The following ZP2 variants were observed in gnomAD, a reference collection of about 807,000 sequenced individuals.
ZP2 encodes zona pellucida glycoprotein 2.
Under a neutral mutation model 84.0 loss-of-function variants are expected in ZP2, and 51 were observed. The ratio of observed to expected loss-of-function variants is 0.61; its 90% CI spans 0.49 to 0.77. The LOEUF (loss-of-function observed/expected upper bound fraction) is 0.77, where lower values mean the gene tolerates loss of function less well. Ranked by LOEUF, ZP2 falls within the 30% of genes least tolerant of loss-of-function variation. ZP2 has a pLI of 0.00. For synonymous variants in ZP2, 375 were observed against 330.9 expected (o/e 1.13, Z -1.45); for missense variants, 909 against 911.9 (o/e 1.00, Z 0.04).
In ZP2 at chr16:21,197,793, C is replaced by G. The variant is rs559880906; in HGVS notation, c.2068G>C (p.Glu690Gln). ...SGSSGEKSRS[E>Q]TGEEVGSRGA... ...CGTGAGCCAACCTCCTCCCCTGTTT[C>G]ACTCCTACTCTTCTCCCCACTGCTC... The change falls in exon 18 of 19, where the codon GAA becomes CAA. Residue 690 changes from glutamate (E) to glutamine (Q), a missense_variant. Physicochemically the swap from Glu to Gln is conservative, Grantham distance 29. Transcript: ENST00000574091. 6.2e-7 allele frequency: 1 copy of G among 1,614,210 alleles called. No individual in the cohort carries two copies. The highest frequency in any genetic ancestry group is 1.3e-5 in the African/African-American group (1 of 75,050).
At position 21,202,264 on chromosome 16, in the gene ZP2, C is replaced by G. The variant is rs774816416; in HGVS notation, c.1127G>C (p.Gly376Ala). Residue 376 changes from glycine (G) to alanine (A), a missense_variant, in exon 11 of 19, where the codon GGG becomes GCG. Gly to Ala is a moderately conservative substitution (Grantham distance 60, BLOSUM62 0). Coordinates refer to ENST00000574091, the MANE Select transcript of ZP2 (RefSeq NM_001376232.1). ...GCTGTAGACCTCGACGTCCATAAACCCATCCTGGGTGCACAGCTCCCCTGT... is the reference window on the plus strand; with the variant it reads ...GCTGTAGACCTCGACGTCCATAAACGCATCCTGGGTGCACAGCTCCCCTGT... ...IVTGELCTQD[G>A]FMDVEVYSYQ... is the part of the protein sequence containing the mutation. 9.7e-6 allele frequency: 15 copies of G among 1,539,060 alleles called. No individual in the cohort carries two copies. Among genetic ancestry groups the G allele is most frequent in the Non-Finnish European group, 1.2e-5 (14 of 1,147,566 alleles).
chr16:21,213,172 G>C (rs2093281096), upstream of ZP2, among the ~76,000 whole-genome samples: 1 of 152,086 alleles, frequency 6.6e-6, no homozygotes, highest in African/African-American at 2.4e-5. Context: ...AGCCTCCCGG[G>C]TAGCTGGGAT....
chr16:21,202,977 G>A, intron 10 of ZP2, 148 bp downstream of exon 10: 1 of 901,190 alleles, frequency 1.1e-6, no homozygotes, highest in Non-Finnish European at 1.6e-6. Context: ...CCCCATCGTA[G>A]CAGCTACACT....
intron 17 of ZP2, among the ~76,000 whole-genome samples, chr16:21,198,128 C>T (rs2093208140): frequency 7.0e-6 from 1 of 142,326 alleles, no homozygotes; most frequent in Non-Finnish European, 1.5e-5. Context: ...GGTGTGGTGG[C>T]TCACACCTGT....
Position 21,204,391 on chromosome 16 carries a change from T to C in ZP2, c.707A>G (p.His236Arg). 1 of 1,613,856 alleles carries C rather than the reference T, an allele frequency of 6.2e-7. No individual in the cohort carries two copies. The highest frequency in any genetic ancestry group is 8.5e-7 in the Non-Finnish European group (1 of 1,179,828). The change falls in exon 8 of 19, where the codon CAT (histidine) becomes CGT (arginine). Residue 236 changes from histidine (H) to arginine (R), a missense_variant. Transcript: ENST00000574091. ...AAGCTTCAGAGACACCATGTAGAGA[T>C]GACTGTTACCTTGCTAGGGGGAGAA... is the stretch of plus-strand genomic sequence containing the variant. ...GVTHYVQGNSHLYMVSLKLTF... is the reference protein window; with the variant it reads ...GVTHYVQGNSRLYMVSLKLTF...
At chr16:21,211,418 T>G in intron 1 of ZP2, 23 bp from the exon 2 acceptor site, 2 of 1,614,032 alleles carry the variant, frequency 1.2e-6, no homozygotes, top group Non-Finnish European at 1.7e-6. Flanking sequence ...AGGGAGATAG[T>G]CAAGGAAGAA....
Position 21,201,454 on chromosome 16 carries a change from T to C in ZP2, c.1609A>G (p.Asn537Asp). 2 of 1,613,740 alleles carry C rather than the reference T, an allele frequency of 1.2e-6. No individual in the cohort carries two copies. Among genetic ancestry groups the C allele is most frequent in the African/African-American group, 2.7e-5 (2 of 75,048 alleles). The change falls in exon 14 of 19, where the codon AAC (asparagine) becomes GAC (aspartate). Residue 537 changes from asparagine to aspartate, a missense_variant. Coordinates refer to ENST00000574091, the MANE Select transcript of ZP2 (RefSeq NM_001376232.1). ...EVRVLNRDDPNIKLVLDDCWA... is the reference protein window; with the variant it reads ...EVRVLNRDDPDIKLVLDDCWA... Reference sequence around the variant, plus strand: ...CAGTCATCTAAGACCAGCTTGATGTTGGGGTCATCCCTGTTTAGGACTCTC... The same window carrying C: ...CAGTCATCTAAGACCAGCTTGATGTCGGGGTCATCCCTGTTTAGGACTCTC...
At position 21,211,265 on chromosome 16, in the gene ZP2, G is replaced by C. The variant is rs191860515; in HGVS notation, c.151+42C>G. On this transcript the variant is annotated intron_variant, in intron 2 of 18. Transcript: ENST00000574091. ...CAGCTAGGCCTTCCAGCTGCAACCT[G>C]TTTTCTCTGCTAAGAAGACTTCTGT... 92 of 1,590,094 alleles carry C rather than the reference G, an allele frequency of 5.8e-5. No homozygotes were observed. The East Asian group carries it at 2.0e-3, about 35-fold the overall frequency.
In ZP2 at chr16:21,211,316, C is replaced by A; in HGVS notation, c.142G>T (p.Ala48Ser). Residue 48 changes from alanine (A) to serine (S), a missense_variant, in exon 2 of 19, where the codon GCC becomes TCC. Coordinates refer to ENST00000574091, the MANE Select transcript of ZP2 (RefSeq NM_001376232.1). ...CACCCAAGAGACATACCTGGAAAGG[C>A]AGGATTTACCAACTGAGAAACATCT... ...SIDVSQLVNP[A>S]FPGTVTCDER... 1 of 1,614,040 alleles carries A rather than the reference C, an allele frequency of 6.2e-7. No homozygotes were observed.
At chr16:21,204,427 T>G (rs1433897577) in intron 7 of ZP2, 23 bp from the exon 8 acceptor site, 10 of 1,596,858 alleles carry the variant, frequency 6.3e-6, no homozygotes, top group Admixed American at 1.7e-5. Context: ...ATAACAGTGA[T>G]CTTCAAAAAC....
Position 21,211,256 on chromosome 16 carries a change from C to T in ZP2, c.151+51G>A. 3 of 1,561,102 alleles carry T rather than the reference C, an allele frequency of 1.9e-6. No individual in the cohort carries two copies. In the African/African-American group the frequency reaches 4.1e-5, roughly 21 times the overall value. ...TTTCTTGGCCAGCTAGGCCTTCCAG[C>T]TGCAACCTGTTTTCTCTGCTAAGAA... is the stretch of plus-strand genomic sequence containing the variant. On this transcript the variant is annotated intron_variant, in intron 2 of 18. Transcript: ENST00000574091.
chr16:21,209,501 C>G, intron 4 of ZP2, 130 bp downstream of exon 4: 2 of 717,924 alleles, frequency 2.8e-6, no homozygotes. Flanking sequence ...AAGAGCCACA[C>G]ACGAGACACC....
rs764775130 is a variant in ZP2, at chr16:21,206,955, G to A, written c.366C>T (p.Asn122=). The A allele has an allele frequency of 7.4e-6, 12 of 1,614,026 alleles. No homozygotes were observed. Among genetic ancestry groups the A allele is most frequent in the Non-Finnish European group, 9.3e-6 (11 of 1,180,012 alleles). The stretch of plus-strand genomic sequence containing the variant: ...CTCCGTGTCTTAAGGCAGCACTGTT[G>A]TTCATGACTCTGATGGTCATCTGGT... The part of the protein sequence containing the change: ...GGHQMTIRVM[N]NSAALRHGAV... The change falls in exon 5 of 19, where the codon AAC becomes AAT. Residue 122 remains asparagine (N), a synonymous_variant. Transcript: ENST00000574091.
Position 21,197,617 on chromosome 16 carries a change from T to C in ZP2, c.2101A>G (p.Met701Val), listed in dbSNP as rs1597580881. ...GCAGTCTTGTGCCCTTTGGTGTCCATAGCACCTACAAAGGAAGCAGACATT... is the reference window on the plus strand; with the variant it reads ...GCAGTCTTGTGCCCTTTGGTGTCCACAGCACCTACAAAGGAAGCAGACATT... ...TGEEVGSRGA[M>V]DTKGHKTAGD... Residue 701 changes from methionine to valine, a missense_variant, in exon 19 of 19, where the codon ATG (methionine) becomes GTG (valine). Coordinates refer to ENST00000574091, the MANE Select transcript of ZP2 (RefSeq NM_001376232.1). 4.3e-6 allele frequency: 7 copies of C among 1,614,212 alleles called. No homozygotes were observed. Among genetic ancestry groups the C allele is most frequent in the Non-Finnish European group, 5.9e-6 (7 of 1,180,036 alleles).
At chr16:21,203,466 C>A (rs898304267) in intron 9 of ZP2, among the ~76,000 whole-genome samples, 1 of 152,126 alleles carries the variant, frequency 6.6e-6, no homozygotes, top group Non-Finnish European at 1.5e-5. Flanking sequence ...CTGGAGTACC[C>A]AGCACTGTAC....
At chr16:21,200,958 G>T (rs1172672837) in intron 14 of ZP2, among the ~76,000 whole-genome samples, 2 of 152,126 alleles carry the variant, frequency 1.3e-5, no homozygotes, top group African/African-American at 4.8e-5. Context: ...CAGTACTTTG[G>T]GAGGCCAAGG....
At chr16:21,211,845 G>A, upstream of ZP2, 1 of 1,297,690 alleles carries the variant, frequency 7.7e-7, no homozygotes, top group Non-Finnish European at 1.0e-6. Context: ...GATCTTTTGG[G>A]CAAATTATTT....
Position 21,199,736 on chromosome 16 carries a change from C to A in ZP2, c.1830+7G>T. ...AACCTGTCCCTGGTGACTTCTGAAT[C>A]ACTTACCAGGCTAGAGAGCACGTGG... On this transcript the variant is annotated splice_region_variant and intron_variant, in intron 15 of 18. Transcript: ENST00000574091. 6.2e-7 allele frequency: 1 copy of A among 1,601,624 alleles called. No individual in the cohort carries two copies. Among genetic ancestry groups the A allele is most frequent in the Non-Finnish European group, 8.5e-7 (1 of 1,171,874 alleles).
rs370960587 is a variant in ZP2 at position 21,209,623 on chromosome 16, T to C, written c.330+8A>G. Reference sequence around the variant, plus strand: ...CTTCCCCAAGAACTGCTCAAAGCAATGACTTACCACTCTCCTGGTACAGTT... The same window carrying C: ...CTTCCCCAAGAACTGCTCAAAGCAACGACTTACCACTCTCCTGGTACAGTT... On this transcript the variant is annotated splice_region_variant and intron_variant, in intron 4 of 18. Coordinates refer to ENST00000574091, the MANE Select transcript of ZP2 (RefSeq NM_001376232.1). 8.2e-5 allele frequency: 133 copies of C among 1,613,760 alleles called. No individual in the cohort carries two copies. Among genetic ancestry groups the C allele is most frequent in the Non-Finnish European group, 1.0e-4 (120 of 1,179,662 alleles).
Sources: allele counts gnomAD v4.1 joint callset (sites outside exome capture counted in the v4.1 genomes callset), GRCh38; gene constraint gnomAD v4.1.1; transcripts MANE v1.5; gene names NCBI Gene and HGNC (gene_info 2026-07-23, HGNC 2026-07-21).